Variants in PAPPA observed in about 807,000 individuals in gnomAD.
PAPPA encodes the protein pappalysin-1.
In PAPPA, 60 loss-of-function variants were observed where a neutral mutation model predicts 164.0. The ratio of observed to expected loss-of-function variants is 0.37; its 90% confidence interval spans 0.30 to 0.45. PAPPA has a LOEUF of 0.45. Ranked by LOEUF, PAPPA falls within the 20% of genes least tolerant of loss-of-function variation. The probability of loss-of-function intolerance (pLI) is 1.00; values close to 1 mark genes in which losing one functional copy is unlikely to be tolerated. For missense variants in PAPPA, 1,782 were observed against 2,087.3 expected (o/e 0.85, Z 2.85); for synonymous variants, 875 against 814.1 (o/e 1.07, Z -1.27).
At chr9:116,386,701 A>C (rs184110719) in intron 21 of PAPPA, among the ~76,000 whole-genome samples, 299 of 152,298 alleles carry the variant, frequency 2.0e-3, no homozygotes, top group Non-Finnish European at 2.7e-3. Context: ...ACACCTTGGC[A>C]TGACCCTCCC....
intron 7 of PAPPA, among the ~76,000 whole-genome samples, chr9:116,238,898 A>T (rs553580763): frequency 1.6e-4 from 25 of 152,060 alleles, no homozygotes; most frequent in Middle Eastern, 3.4e-3. Flanking sequence ...CACCACAAAT[A>T]CCTCTTTGTG....
chr9:116,157,706 T>A (rs1023951476), intron 1 of PAPPA, among the ~76,000 whole-genome samples: 6 of 152,064 alleles, frequency 3.9e-5, no homozygotes, highest in Non-Finnish European at 1.5e-5. Context: ...TGAGAGAATG[T>A]GTCTCATAAA....
chr9:116,311,706 T>C (rs1047219643), intron 10 of PAPPA, among the ~76,000 whole-genome samples: 1 of 152,192 alleles, frequency 6.6e-6, no homozygotes, highest in Non-Finnish European at 1.5e-5. Context: ...TGAGATGGTA[T>C]GAGGATCCAA....
intron 9 of PAPPA, among the ~76,000 whole-genome samples, chr9:116,277,213 C>CA (rs1227148386): frequency 4.6e-5 from 7 of 152,110 alleles, no homozygotes; most frequent in Non-Finnish European, 7.3e-5. Flanking sequence ...AAAACTTCTC[C>CA]AGACTGCATG....
intron 13 of PAPPA, among the ~76,000 whole-genome samples, chr9:116,336,485 CAG>C (rs1368788260): frequency 1.3e-5 from 2 of 152,174 alleles, no homozygotes; most frequent in African/African-American, 4.8e-5. Flanking sequence ...AGTTAATTCT[CAG>C]AGCCTAGGGA....
chr9:116,342,676 A>C (rs1024863164), intron 13 of PAPPA, among the ~76,000 whole-genome samples: 1 of 151,904 alleles, frequency 6.6e-6, no homozygotes, highest in South Asian at 2.1e-4. Context: ...AACAACGACA[A>C]AAAAAAAGTG....
intron 8 of PAPPA, 87 bp downstream of exon 8, chr9:116,266,072 A>G (rs986024276): frequency 2.4e-5 from 29 of 1,232,952 alleles, no homozygotes; most frequent in Non-Finnish European, 2.8e-5. Context: ...AGCTTATGAC[A>G]TATTCTTCAG....
At chr9:116,200,509 T>C (rs542206605) in intron 2 of PAPPA, among the ~76,000 whole-genome samples, 8 of 152,278 alleles carry the variant, frequency 5.3e-5, no homozygotes, top group African/African-American at 1.9e-4. Context: ...CCATCACCTA[T>C]AAGTTGGGGA....
chr9:116,271,185 G>A lies in PAPPA; in HGVS notation c.2862-140G>A. ...CTTTTAGAAATCTCATTTTGAAGAT[G>A]AAGAAGCAGAGACTCAGACAGAGAA... On this transcript the variant is annotated intron_variant, in intron 8 of 21. Coordinates refer to ENST00000328252, the MANE Select transcript of PAPPA (RefSeq NM_002581.5). This position sits in a 1 kb window ranked among gnomAD's most constrained non-coding sequence, Gnocchi z 4.2. 1.6e-6 allele frequency: 1 copy of A among 633,658 alleles called. No homozygotes were observed. Among genetic ancestry groups the A allele is most frequent in the Non-Finnish European group, 2.8e-6 (1 of 352,472 alleles). 39.3% of individuals were successfully genotyped at this position (633,658 alleles called of 1,614,324 possible). A position where few individuals can be genotyped will look rare whatever the true frequency, so the allele number is the denominator to read the frequency against.
chr9:116,256,250 T>C (rs969362096), intron 7 of PAPPA, among the ~76,000 whole-genome samples: 24 of 151,998 alleles, frequency 1.6e-4, no homozygotes, highest in Middle Eastern at 3.2e-3. Flanking sequence ...TACAAATTAG[T>C]ATTTTAGAAT....
intron 21 of PAPPA, among the ~76,000 whole-genome samples, chr9:116,385,234 AAAATAAATAAATAAAT>A (rs142801371): frequency 0.05 from 6,912 of 139,496 alleles, 261 homozygotes; most frequent in Admixed American, 0.1. Flanking sequence ...ACTCCATCTC[AAAATAAATAAATAAAT>A]AAATAAATAA....
At position 116,235,477 on chromosome 9, in the gene PAPPA, C is replaced by G; in HGVS notation, c.2572C>G (p.Leu858Val). The change falls in exon 7 of 22, where the codon CTG (leucine) becomes GTG (valine). Residue 858 changes from leucine to valine, a missense_variant. Around this residue, in one of 2 missense-constraint regions of PAPPA, gnomAD observed 1,324 missense variants for 1,656.9 expected, o/e 0.80. Transcript: ENST00000328252. ...GGTGTATGGCATCCAAATCTACACG[C>G]TGGATGAGCACCTGGAGATCGATGC... Reference protein sequence around the residue: ...EEVYGIQIYTLDEHLEIDAAM... With the variant: ...EEVYGIQIYTVDEHLEIDAAM... The G allele has an allele frequency of 8.7e-6, 14 of 1,613,528 alleles. No homozygotes were observed. Among genetic ancestry groups the G allele is most frequent in the Non-Finnish European group, 1.2e-5 (14 of 1,179,822 alleles).
In PAPPA at chr9:116,235,326, G is replaced by C. The variant is rs555185927; in HGVS notation, c.2421G>C (p.Trp807Cys). 21 of 1,613,782 alleles carry C rather than the reference G, an allele frequency of 1.3e-5. No homozygotes were observed. The highest frequency in any genetic ancestry group is 1.7e-4 in the Middle Eastern group (1 of 6,060). ...GGGTGACCTTTGTCTCCACTGACTG[G>C]GACTCTAGTGGAGCTGTCAATGACA... ...TIWVTFVSTD[W>C]DSSGAVNDIK... The change falls in exon 7 of 22, where the codon TGG (tryptophan) becomes TGC (cysteine). Residue 807 changes from tryptophan (W) to cysteine (C), a missense_variant. Trp to Cys is a radical substitution (Grantham distance 215, BLOSUM62 -2). Coordinates refer to ENST00000328252, the MANE Select transcript of PAPPA (RefSeq NM_002581.5).
intron 7 of PAPPA, among the ~76,000 whole-genome samples, chr9:116,253,237 C>T (rs577481605): frequency 2.6e-4 from 40 of 152,256 alleles, no homozygotes; most frequent in Middle Eastern, 6.8e-3. Flanking sequence ...TGCTAGCACT[C>T]TCCAAACTCT....
At chr9:116,326,340 A>G (rs941287320) in intron 10 of PAPPA, among the ~76,000 whole-genome samples, 1 of 152,212 alleles carries the variant, frequency 6.6e-6, no homozygotes, top group African/African-American at 2.4e-5. Flanking sequence ...AGGACAACAA[A>G]GCTGTGACCT....
chr9:116,204,568 C>G (rs772424226), intron 2 of PAPPA, among the ~76,000 whole-genome samples: 64 of 152,148 alleles, frequency 4.2e-4, no homozygotes, highest in Non-Finnish European at 6.9e-4. Context: ...CATGTGCCAC[C>G]ATGCCCAGCT....
At chr9:116,173,683 T>G (rs1843799093) in intron 1 of PAPPA, among the ~76,000 whole-genome samples, 1 of 152,182 alleles carries the variant, frequency 6.6e-6, no homozygotes, top group African/African-American at 2.4e-5. Context: ...TTCATAGCTC[T>G]TGCCATTGCT....
chr9:116,243,720 A>AT lies in PAPPA; in HGVS notation c.2732+8090dup, dbSNP rs199514613. Among the ~76,000 whole-genome samples the AT allele has an allele frequency of 3.2e-3, 483 of 152,222 alleles. 2 individuals are homozygous for AT. The highest frequency in any genetic ancestry group is 0.011 in the African/African-American group (461 of 41,540). The stretch of plus-strand genomic sequence containing the variant: ...AACACCAAAGAGAGGAGAAAGCAAA[A>AT]TTTTTTTATTGTTTTTTTGAACATT... On this transcript the variant is annotated intron_variant, in intron 7 of 21. Transcript: ENST00000328252.
At chr9:116,203,149 C>T (rs1469807592) in intron 2 of PAPPA, among the ~76,000 whole-genome samples, 1 of 152,188 alleles carries the variant, frequency 6.6e-6, no homozygotes, top group Non-Finnish European at 1.5e-5. Flanking sequence ...GAACTGTGTC[C>T]ACCTGAAGGA....
Sources: gnomAD v4.1 joint callset for allele counts (sites outside exome capture counted in the v4.1 genomes callset) on GRCh38, gnomAD v4.1.1 for gene constraint, gnomAD v4.1.1 regional missense constraint, Gnocchi (gnomAD v3.1) non-coding constraint, MANE v1.5 for transcripts, NCBI Gene and HGNC (gene_info 2026-07-23, HGNC 2026-07-21) for gene names.